The following PID1 variants were observed in gnomAD, a reference collection of about 807,000 sequenced individuals.
The protein encoded by PID1 is phosphotyrosine interaction domain containing 1.
PID1 carries 10 observed loss-of-function variants against 19.1 expected under a neutral mutation model. The observed-to-expected ratio is 0.52, with a 90% CI of 0.32 to 0.89. The LOEUF is 0.89. Ranked by LOEUF, PID1 falls within the 40% of genes least tolerant of loss-of-function variation. The probability of loss-of-function intolerance (pLI) is 0.03; values close to 1 mark genes in which losing one functional copy is unlikely to be tolerated. For synonymous variants in PID1, 130 were observed against 116.0 expected (o/e 1.12, Z -0.78); for missense variants, 248 against 285.3 (o/e 0.87, Z 0.94).
chr2:229,268,759 G>A (rs1469605105), intron 1 of PID1, among the ~76,000 whole-genome samples: 1 of 152,034 alleles, frequency 6.6e-6, no homozygotes, highest in Non-Finnish European at 1.5e-5. Flanking sequence ...ACAGAGCCTG[G>A]GAGTGGCAAA....
intron 2 of PID1, among the ~76,000 whole-genome samples, chr2:229,090,106 T>G (rs189346923): frequency 2.0e-5 from 3 of 152,156 alleles, no homozygotes; most frequent in African/African-American, 7.2e-5. Flanking sequence ...GATCCTTCAT[T>G]CATATCTCCC....
chr2:229,262,981 T>C (rs2106293216), intron 1 of PID1: 1 of 1,261,346 alleles, frequency 7.9e-7, no homozygotes, highest in African/African-American at 1.5e-5. Context: ...ACAAACCTTA[T>C]TTCCAAATAA....
intron 2 of PID1, among the ~76,000 whole-genome samples, chr2:229,102,396 A>G (rs1032960686): frequency 6.6e-6 from 1 of 152,192 alleles, no homozygotes; most frequent in Admixed American, 6.5e-5. Context: ...AGAAGAAGCT[A>G]TTGTTAATAG....
intron 1 of PID1, among the ~76,000 whole-genome samples, chr2:229,243,490 C>T (rs1045331738): frequency 6.6e-6 from 1 of 152,104 alleles, no homozygotes; most frequent in African/African-American, 2.4e-5. Context: ...AGGTCTATTG[C>T]GTCCTCAAGA....
Position 229,210,412 on chromosome 2 carries a change from G to C in PID1, c.31-54448C>G, listed in dbSNP as rs1046457216. Among the ~76,000 whole-genome samples the C allele has an allele frequency of 2.6e-5, 3 of 113,526 alleles. No individual in the cohort carries two copies. In the South Asian group the frequency reaches 1.2e-3, roughly 46 times the overall value. The allele number at this position is 113,526 out of a possible 152,430, so 74.5% of individuals were successfully genotyped here. A position where few individuals can be genotyped will look rare whatever the true frequency, so the allele number is the denominator to read the frequency against. ...CCTGTAGTCCCAGCTACTGGGGAGA[G>C]TGAGGCAGGCAGCAGAATGGCCTGA... is the stretch of plus-strand genomic sequence containing the variant. On this transcript the variant is annotated intron_variant, in intron 1 of 2. Coordinates refer to ENST00000392055, the MANE Select transcript of PID1 (RefSeq NM_001100818.2).
At chr2:229,094,998 G>A (rs971031384) in intron 2 of PID1, among the ~76,000 whole-genome samples, 4 of 152,106 alleles carry the variant, frequency 2.6e-5, no homozygotes, top group Non-Finnish European at 4.4e-5. Flanking sequence ...AACAGATAGC[G>A]TGAGCCCCAT....
chr2:229,262,867 T>G, intron 1 of PID1: 1 of 1,539,146 alleles, frequency 6.5e-7, no homozygotes, highest in South Asian at 1.2e-5. Context: ...GCCTTCTCTG[T>G]GCCGCTTCTG....
chr2:229,103,853 A>G (rs1248341910), intron 2 of PID1, among the ~76,000 whole-genome samples: 1 of 152,188 alleles, frequency 6.6e-6, no homozygotes, highest in Non-Finnish European at 1.5e-5. Context: ...TTGGGATTAC[A>G]GTCGTGAGCC....
chr2:229,046,114 C>T (rs188335281), intron 2 of PID1, among the ~76,000 whole-genome samples: 2 of 152,212 alleles, frequency 1.3e-5, no homozygotes, highest in Non-Finnish European at 1.5e-5. Flanking sequence ...ACGAACCCCC[C>T]GACTCTGCTG....
chr2:229,057,947 A>T (rs1357803885), intron 2 of PID1, among the ~76,000 whole-genome samples: 1 of 152,210 alleles, frequency 6.6e-6, no homozygotes, highest in African/African-American at 2.4e-5. Context: ...TGCTGACTTA[A>T]ATGTTTACAA....
At chr2:229,229,814 C>A (rs77499915) in intron 1 of PID1, among the ~76,000 whole-genome samples, 4 of 152,144 alleles carry the variant, frequency 2.6e-5, no homozygotes, top group African/African-American at 4.8e-5. Flanking sequence ...CTGGGTTTCA[C>A]CTACAAAATT....
At chr2:229,195,078 T>TA (rs1342831665) in intron 1 of PID1, among the ~76,000 whole-genome samples, 2 of 152,010 alleles carry the variant, frequency 1.3e-5, no homozygotes, top group African/African-American at 2.4e-5. Context: ...GTTGAATCAT[T>TA]AAATTAATAC....
chr2:229,108,127 A>T (rs1695215985), intron 2 of PID1, among the ~76,000 whole-genome samples: 1 of 152,228 alleles, frequency 6.6e-6, no homozygotes, highest in Non-Finnish European at 1.5e-5. Flanking sequence ...AAGAACATTT[A>T]TGTGTTTCAC....
intron 2 of PID1, among the ~76,000 whole-genome samples, chr2:229,100,589 T>C (rs1695055722): frequency 6.6e-6 from 1 of 152,180 alleles, no homozygotes. Flanking sequence ...GTAGACCAGA[T>C]TCCCTGGTCT....
intron 2 of PID1, among the ~76,000 whole-genome samples, chr2:229,036,145 T>C (rs549109623): frequency 3.3e-5 from 5 of 152,248 alleles, no homozygotes; most frequent in Admixed American, 6.5e-5. Flanking sequence ...TGCTAAAAAA[T>C]TGCTCTTGGA....
chr2:229,107,940 C>T (rs1041911537), intron 2 of PID1, among the ~76,000 whole-genome samples: 3 of 152,182 alleles, frequency 2.0e-5, no homozygotes, highest in Middle Eastern at 3.2e-3. Flanking sequence ...TACGAGACAA[C>T]TGTTTCAAAG....
chr2:229,034,174 G>A (rs1051301553), intron 2 of PID1, among the ~76,000 whole-genome samples: 4 of 152,072 alleles, frequency 2.6e-5, no homozygotes, highest in South Asian at 2.1e-4. Context: ...AATTATTGTC[G>A]GCACAATAAT....
intron 2 of PID1, among the ~76,000 whole-genome samples, chr2:229,153,895 T>C (rs117816023): frequency 6.6e-6 from 1 of 152,364 alleles, no homozygotes; most frequent in East Asian, 1.9e-4. Flanking sequence ...ACTGATTTCA[T>C]CTTGCTTTGA....
chr2:229,215,767 ATAAAG>A (rs1160362003), intron 1 of PID1, among the ~76,000 whole-genome samples: 1 of 152,254 alleles, frequency 6.6e-6, no homozygotes, highest in Non-Finnish European at 1.5e-5. Context: ...TAAAATCAGA[ATAAAG>A]TAAATAAAAG....
Sources: gnomAD v4.1 joint callset for allele counts (sites outside exome capture counted in the v4.1 genomes callset) on GRCh38, gnomAD v4.1.1 for gene constraint, MANE v1.5 for transcripts, NCBI Gene and HGNC (gene_info 2026-07-23, HGNC 2026-07-21) for gene names.